MACROD2: variants seen among roughly 807,000 people sequenced by gnomAD.
MACROD2 encodes the protein ADP-ribose glycohydrolase MACROD2.
A neutral mutation model predicts 70.4 loss-of-function variants in MACROD2; 36 were observed. The ratio of observed to expected loss-of-function variants is 0.51; its 90% CI spans 0.39 to 0.68. The LOEUF (loss-of-function observed/expected upper bound fraction) is 0.68. Among genes scored for constraint, MACROD2 ranks in the 30% least tolerant of loss-of-function variants. The pLI is 0.00. For missense variants in MACROD2, 496 were observed against 538.4 expected, an observed-to-expected ratio of 0.92 and a Z score of 0.78; for synonymous variants, 172 against 178.8, an observed-to-expected ratio of 0.96 and a Z score of 0.30.
intron 6 of MACROD2, among the ~76,000 whole-genome samples, chr20:15,406,233 C>G (rs1374178420): frequency 6.6e-6 from 1 of 152,226 alleles, no homozygotes; most frequent in African/African-American, 2.4e-5. Context: ...GATAGGATGA[C>G]TAAATGATTA....
intron 5 of MACROD2, among the ~76,000 whole-genome samples, chr20:14,883,174 T>C (rs1260821143): frequency 1.3e-5 from 2 of 152,164 alleles, no homozygotes; most frequent in Non-Finnish European, 2.9e-5. Context: ...CAACAACCCA[T>C]TTCCTAAAAA....
At chr20:15,696,628 C>CT (rs1310022775) in intron 8 of MACROD2, among the ~76,000 whole-genome samples, 1 of 130,928 alleles carries the variant, frequency 7.6e-6, no homozygotes, top group African/African-American at 3.0e-5. Context: ...GGTACCAATT[C>CT]TTTTTTGAAT....
chr20:15,102,275 T>TA (rs1295230205), intron 5 of MACROD2, among the ~76,000 whole-genome samples: 6 of 152,006 alleles, frequency 3.9e-5, no homozygotes, highest in East Asian at 1.9e-4. Context: ...TTATTTCACA[T>TA]AAAAAATCTA....
rs143179643 is a variant in MACROD2 at position 14,326,742 on chromosome 20, T to C, written c.272-166737T>C. On this transcript the variant is annotated intron_variant, in intron 3 of 17. Coordinates refer to ENST00000684519, the MANE Select transcript of MACROD2 (RefSeq NM_001351661.2). The surrounding 1 kb of genome is among the most constrained non-coding windows in gnomAD (Gnocchi z 5.5). ...GGGGCACCCGATTGATGTGGTTATC[T>C]TGAAGATAAAGCTTCCTCAGGTTTG... The C allele has an allele frequency of 2.0e-3, 3,232 of 1,613,820 alleles. 88 individuals are homozygous for C. The Admixed American group carries it at 0.04, about 20-fold the overall frequency.
intron 6 of MACROD2, among the ~76,000 whole-genome samples, chr20:15,292,933 G>A (rs1046155095): frequency 6.6e-6 from 1 of 152,100 alleles, no homozygotes; most frequent in Admixed American, 6.6e-5. Context: ...GGTTTGGAAG[G>A]GAACTTGCAT....
Position 15,695,070 on chromosome 20 carries a change from G to C in MACROD2, c.646-167675G>C, listed in dbSNP as rs144228013. 8.7e-3 allele frequency among the ~76,000 whole-genome samples: 1,321 copies of C among 152,172 alleles called. 25 individuals carry two copies. Among genetic ancestry groups the C allele is most frequent in the Non-Finnish European group, 8.6e-3 (587 of 68,008 alleles). ...TATGGGTTCTCTATTCCGTTCCATTGGTCTATGTGCCCATTTTTATACCAA... is the reference window on the plus strand; with the variant it reads ...TATGGGTTCTCTATTCCGTTCCATTCGTCTATGTGCCCATTTTTATACCAA... On this transcript the variant is annotated intron_variant, in intron 8 of 17. Coordinates refer to ENST00000684519, the MANE Select transcript of MACROD2 (RefSeq NM_001351661.2).
chr20:14,947,595 A>G (rs1021034631), intron 5 of MACROD2, among the ~76,000 whole-genome samples: 4 of 152,190 alleles, frequency 2.6e-5, no homozygotes, highest in Non-Finnish European at 5.9e-5. Context: ...TTGAGTGTGC[A>G]TCAGAGTCAC....
chr20:14,727,883 T>C (rs1271840555), intron 5 of MACROD2, among the ~76,000 whole-genome samples: 1 of 152,202 alleles, frequency 6.6e-6, no homozygotes, highest in East Asian at 1.9e-4. Flanking sequence ...TTTTCCTGGC[T>C]ACTTTATATT....
chr20:14,321,259 G>A (rs1483215288), intron 3 of MACROD2, among the ~76,000 whole-genome samples: 7 of 152,068 alleles, frequency 4.6e-5, no homozygotes, highest in Admixed American at 3.3e-4. Context: ...CAGCTACTCG[G>A]GAGGCTGAGG....
chr20:14,510,605 G>A (rs747349557), intron 4 of MACROD2, among the ~76,000 whole-genome samples: 1 of 151,994 alleles, frequency 6.6e-6, no homozygotes, highest in Admixed American at 6.6e-5. Flanking sequence ...CTTGTCTCAG[G>A]AGAACTCATA....
At chr20:15,190,080 C>T (rs2145913281) in intron 5 of MACROD2, among the ~76,000 whole-genome samples, 1 of 152,220 alleles carries the variant, frequency 6.6e-6, no homozygotes, top group East Asian at 1.9e-4. Context: ...TCTTTATCCT[C>T]TTGTGATGTA....
chr20:15,952,902 C>T (rs6135617), intron 12 of MACROD2, among the ~76,000 whole-genome samples: 2 of 152,140 alleles, frequency 1.3e-5, no homozygotes, highest in Non-Finnish European at 2.9e-5. Context: ...CTGAATGCAC[C>T]TGATCTAGTC....
intron 10 of MACROD2, among the ~76,000 whole-genome samples, chr20:15,930,036 G>A (rs1024802991): frequency 1.3e-5 from 2 of 152,134 alleles, no homozygotes; most frequent in African/African-American, 4.8e-5. Flanking sequence ...AAATAAATAT[G>A]TGATCTTAAA....
intron 12 of MACROD2, among the ~76,000 whole-genome samples, chr20:15,957,990 A>G (rs181889139): frequency 6.6e-6 from 1 of 152,348 alleles, no homozygotes; most frequent in East Asian, 1.9e-4. Context: ...GATAAGGACC[A>G]CAAAATAAGA....
intron 3 of MACROD2, among the ~76,000 whole-genome samples, chr20:14,372,337 A>G (rs1006764735): frequency 2.0e-5 from 3 of 152,066 alleles, no homozygotes; most frequent in Non-Finnish European, 4.4e-5. Flanking sequence ...TCTAGTAGTG[A>G]GCATATCAAA....
At chr20:14,303,207 A>G (rs1341533922) in intron 3 of MACROD2, among the ~76,000 whole-genome samples, 1 of 152,038 alleles carries the variant, frequency 6.6e-6, no homozygotes, top group Non-Finnish European at 1.5e-5. Flanking sequence ...GCTATGCGGC[A>G]TTTTTTCAAT....
intron 3 of MACROD2, among the ~76,000 whole-genome samples, chr20:14,304,614 T>G (rs1331901107): frequency 1.3e-5 from 2 of 152,208 alleles, no homozygotes; most frequent in African/African-American, 4.8e-5. Flanking sequence ...TCCAACAGTT[T>G]ATTATTTCAA....
chr20:14,877,295 CA>C (rs2073561728), intron 5 of MACROD2, among the ~76,000 whole-genome samples: 1 of 152,068 alleles, frequency 6.6e-6, no homozygotes. Context: ...GATTTTTGTG[CA>C]TTGATTTTAT....
At chr20:15,918,828 C>T (rs1232774034) in intron 10 of MACROD2, among the ~76,000 whole-genome samples, 1 of 152,188 alleles carries the variant, frequency 6.6e-6, no homozygotes, top group African/African-American at 2.4e-5. Flanking sequence ...CCACTGCCTC[C>T]TCATGGGGCT....
Sources: gnomAD v4.1 joint callset for allele counts (sites outside exome capture counted in the v4.1 genomes callset) on GRCh38, gnomAD v4.1.1 for gene constraint, Gnocchi (gnomAD v3.1) non-coding constraint, MANE v1.5 for transcripts, NCBI Gene and HGNC (gene_info 2026-07-23, HGNC 2026-07-21) for gene names.